The following MTMR14 variants were observed in gnomAD, a reference collection of about 807,000 sequenced individuals.
MTMR14 encodes the protein myotubularin related protein 14, also known as phosphatidylinositol-3,5-bisphosphate 3-phosphatase MTMR14.
A neutral mutation model predicts 86.3 loss-of-function variants in MTMR14; 48 were observed. The ratio of observed to expected loss-of-function variants is 0.56; its 90% CI spans 0.44 to 0.71. MTMR14 has a LOEUF of 0.71. MTMR14 is among the 30% of genes least tolerant of loss of function. The pLI is 0.00. For missense variants in MTMR14, 780 were observed against 834.6 expected, an observed-to-expected ratio of 0.93 and a Z score of 0.81; for synonymous variants, 366 against 326.1, an observed-to-expected ratio of 1.12 and a Z score of -1.32.
chr3:9,696,273 G>A lies in MTMR14; in HGVS notation c.1614-1438G>A, dbSNP rs185324330. On this transcript the variant is annotated intron_variant, in intron 17 of 18. Transcript: ENST00000296003. ...AGCACTTTGGGAGGCTGAGGCAGGC[G>A]GATCACCAGAGATCAGGAGTTCAAG... Among the ~76,000 whole-genome samples, 266 of 152,270 alleles carry A rather than the reference G, an allele frequency of 1.7e-3. 3 individuals are homozygous for A. Among genetic ancestry groups the A allele is most frequent in the African/African-American group, 6.2e-3 (259 of 41,564 alleles).
intron 9 of MTMR14, 63 bp from the exon 10 acceptor site, chr3:9,683,115 T>G (rs2075824364): frequency 4.0e-6 from 6 of 1,516,824 alleles, no homozygotes; most frequent in Admixed American, 1.7e-5. Context: ...GCATTTTATT[T>G]TTTAAATACT....
chr3:9,689,709 G>A (rs1456035677), intron 16 of MTMR14, among the ~76,000 whole-genome samples: 2 of 152,218 alleles, frequency 1.3e-5, no homozygotes, highest in East Asian at 1.9e-4. Flanking sequence ...GGTGGGCAGT[G>A]ACTGAAGAGT....
chr3:9,696,324 C>T (rs2076280843), intron 17 of MTMR14, among the ~76,000 whole-genome samples: 1 of 152,122 alleles, frequency 6.6e-6, no homozygotes, highest in Admixed American at 6.5e-5. Context: ...ATGGTGAAAC[C>T]CTATCTCTAC....
At chr3:9,663,127 C>T (rs2125054986) in intron 3 of MTMR14, among the ~76,000 whole-genome samples, 1 of 152,212 alleles carries the variant, frequency 6.6e-6, no homozygotes, top group East Asian at 1.9e-4. Context: ...ATTCCGAATG[C>T]AAGTAGCAAC....
rs1559622267 is a variant in MTMR14, at chr3:9,697,803, C to G, written c.1706C>G (p.Ala569Gly). Residue 569 changes from alanine to glycine, a missense_variant, in exon 18 of 19, where the codon GCT (alanine) becomes GGT (glycine). Physicochemically the swap from Ala to Gly is moderately conservative, Grantham distance 60 (BLOSUM62 0). Coordinates refer to ENST00000296003, the MANE Select transcript of MTMR14 (RefSeq NM_001077525.3). Reference protein sequence around the residue: ...VTGCGSIQERAVLHTDSSLPF... With the variant: ...VTGCGSIQERGVLHTDSSLPF... ...GGCTGTGGCAGTATTCAGGAGCGGG[C>G]TGTCCTGCACACAGACTCCTCTCTC... is the stretch of plus-strand genomic sequence containing the variant. 6.2e-7 allele frequency: 1 copy of G among 1,614,190 alleles called. No individual in the cohort carries two copies.
chr3:9,677,390 A>G lies in MTMR14; in HGVS notation c.822+3A>G, dbSNP rs2075618382. 1 of 1,613,090 alleles carries G rather than the reference A, an allele frequency of 6.2e-7. No individual in the cohort carries two copies. The highest frequency in any genetic ancestry group is 8.5e-7 in the Non-Finnish European group (1 of 1,179,070). On this transcript the variant is annotated splice_donor_region_variant and intron_variant, in intron 8 of 18. Transcript: ENST00000296003. The surrounding 1 kb of genome is among the most constrained non-coding windows in gnomAD (Gnocchi z 4.2). Reference sequence around the variant, plus strand: ...GGCTCATATTTAACTGGAAGCAGGTATGAGCAATAACATACATCAAATTGG... The same window carrying G: ...GGCTCATATTTAACTGGAAGCAGGTGTGAGCAATAACATACATCAAATTGG...
intron 2 of MTMR14, among the ~76,000 whole-genome samples, chr3:9,656,276 A>G (rs2047602478): frequency 2.0e-5 from 3 of 152,114 alleles, no homozygotes; most frequent in Admixed American, 2.0e-4. Flanking sequence ...GCTCTTGTAA[A>G]TAGATCACAG....
intron 9 of MTMR14, among the ~76,000 whole-genome samples, chr3:9,678,450 A>AT (rs2075654852): frequency 6.6e-6 from 1 of 152,234 alleles, no homozygotes; most frequent in African/African-American, 2.4e-5. Context: ...AAACATTAAA[A>AT]TTACTTCCAC....
rs553198667 is a variant in MTMR14, at chr3:9,685,676, G to A, written c.1164+429G>A. ...GCCACTTTTCAATGTCAGGGTGCCCGGCAGCAGGGTCCTGCCCCTGATGGT... is the reference window on the plus strand; with the variant it reads ...GCCACTTTTCAATGTCAGGGTGCCCAGCAGCAGGGTCCTGCCCCTGATGGT... On this transcript the variant is annotated intron_variant, in intron 13 of 18. Transcript: ENST00000296003. Among the ~76,000 whole-genome samples the A allele has an allele frequency of 8.5e-5, 13 of 152,102 alleles. No individual in the cohort carries two copies. In the East Asian group the frequency reaches 1.4e-3, roughly 16 times the overall value.
intron 3 of MTMR14, among the ~76,000 whole-genome samples, chr3:9,666,133 GTTT>G (rs1241278468): frequency 5.1e-5 from 6 of 117,266 alleles, no homozygotes; most frequent in African/African-American, 1.3e-4. Flanking sequence ...AAGTTTGTTG[GTTT>G]TTTTTTTTTT....
intron 1 of MTMR14, 106 bp from the exon 2 acceptor site, chr3:9,653,515 C>A: frequency 7.1e-7 from 1 of 1,406,910 alleles, no homozygotes; most frequent in Non-Finnish European, 1.0e-6. Flanking sequence ...ATAATTATCA[C>A]CCAGGTACAT....
Position 9,687,316 on chromosome 3 carries a change from G to A in MTMR14, c.1165-505G>A, listed in dbSNP as rs556239543. On this transcript the variant is annotated intron_variant, in intron 13 of 18. Coordinates refer to ENST00000296003, the MANE Select transcript of MTMR14 (RefSeq NM_001077525.3). ...GACGCCTGTAATCCCAGCACTTGGG[G>A]AGGCTGAGGCGGGCGGGTCATGAGG... 2.2e-4 allele frequency among the ~76,000 whole-genome samples: 33 copies of A among 152,296 alleles called. No homozygotes were observed. The South Asian group carries it at 2.7e-3, about 12-fold the overall frequency.
chr3:9,675,164 T>G (rs2048786830), intron 7 of MTMR14, among the ~76,000 whole-genome samples: 1 of 151,996 alleles, frequency 6.6e-6, no homozygotes, highest in South Asian at 2.1e-4. Flanking sequence ...AGACCAAAAT[T>G]TGTATGTACT....
At chr3:9,683,886 C>T (rs1209694610) in intron 10 of MTMR14, among the ~76,000 whole-genome samples, 2 of 152,234 alleles carry the variant, frequency 1.3e-5, no homozygotes, top group Non-Finnish European at 2.9e-5. Context: ...CCATTCCAGA[C>T]CTGTCTCCCG....
At chr3:9,650,259 C>T (rs947072696) in intron 1 of MTMR14, 2 of 455,016 alleles carry the variant, frequency 4.4e-6, no homozygotes, top group Non-Finnish European at 8.9e-6. Flanking sequence ...AACCCACACT[C>T]CCTTTCAGTT....
chr3:9,659,524 A>G, intron 2 of MTMR14: 2 of 352,246 alleles, frequency 5.7e-6, no homozygotes. Context: ...GCTCACCGCA[A>G]CCTCCGCCTC....
Position 9,653,604 on chromosome 3 carries a change from T to G in MTMR14, c.160-17T>G. 1 of 1,614,046 alleles carries G rather than the reference T, an allele frequency of 6.2e-7. No homozygotes were observed. Among genetic ancestry groups the G allele is most frequent in the Non-Finnish European group, 8.5e-7 (1 of 1,180,014 alleles). ...CCCCAGAATTCTCTTTGTGTTCTGG[T>G]CTCCTTCTCTGTGCAGGTTGAGCGC... On this transcript the variant is annotated splice_polypyrimidine_tract_variant and intron_variant, in intron 1 of 18. Transcript: ENST00000296003.
chr3:9,693,406 C>G (rs1229427083), intron 17 of MTMR14, among the ~76,000 whole-genome samples: 1 of 152,214 alleles, frequency 6.6e-6, no homozygotes, highest in South Asian at 2.1e-4. Flanking sequence ...CCTACACATG[C>G]AGTTGAAATC....
intron 1 of MTMR14, among the ~76,000 whole-genome samples, chr3:9,650,150 C>G (rs371535767): frequency 1.3e-5 from 2 of 152,222 alleles, no homozygotes; most frequent in African/African-American, 4.8e-5. Context: ...GGTCAGAGGT[C>G]AGAATGGAGC....
Sources: allele counts gnomAD v4.1 joint callset (sites outside exome capture counted in the v4.1 genomes callset), GRCh38; gene constraint gnomAD v4.1.1; non-coding constraint Gnocchi (gnomAD v3.1); transcripts MANE v1.5; gene names NCBI Gene and HGNC (gene_info 2026-07-23, HGNC 2026-07-21).